CHD6: variants seen among roughly 807,000 people sequenced by gnomAD.
The protein encoded by CHD6 is chromodomain helicase DNA binding protein 6.
In CHD6, 50 loss-of-function variants were observed where a neutral mutation model predicts 276.9. The ratio of observed to expected loss-of-function variants is 0.18; its 90% CI spans 0.14 to 0.23. The LOEUF (loss-of-function observed/expected upper bound fraction) is 0.23, where lower values mean the gene tolerates loss of function less well. CHD6 is among the 10% of genes least tolerant of loss of function. The pLI is 1.00. For missense variants in CHD6, 2,564 were observed against 3,365.8 expected (o/e 0.76, Z 5.89); for synonymous variants, 1,173 against 1,229.3 (o/e 0.95, Z 0.96).
rs144882101 is a variant in CHD6 at position 41,421,050 on chromosome 20, T to C, written c.5585A>G (p.Asn1862Ser). 1.3e-4 allele frequency: 216 copies of C among 1,614,016 alleles called. No homozygotes were observed. The African/African-American group carries it at 2.6e-3, about 20-fold the overall frequency. Residue 1862 changes from asparagine (N) to serine (S), a missense_variant, in exon 31 of 37, where the codon AAC becomes AGC. Asn to Ser is a conservative substitution (Grantham distance 46). This residue lies in a region of CHD6 where 1,024 missense variants were observed against 1,047.9 expected (regional missense o/e 0.98). Coordinates refer to ENST00000373233, the MANE Select transcript of CHD6 (RefSeq NM_032221.5). The stretch of plus-strand genomic sequence containing the variant: ...CTCTTCTTCCTCCTCATCACTGTGG[T>C]TCTGACTCAAAATCAATTTACTTTC... ...SLESKLILSQ[N>S]HSDEEEEEEE...
intron 1 of CHD6, among the ~76,000 whole-genome samples, chr20:41,588,317 C>T (rs2045618259): frequency 6.6e-6 from 1 of 152,180 alleles, no homozygotes; most frequent in African/African-American, 2.4e-5. Context: ...GCTGGCACTG[C>T]TTTAAGTTCA....
At chr20:41,511,027 G>T (rs1568659346) in intron 5 of CHD6, among the ~76,000 whole-genome samples, 1 of 152,178 alleles carries the variant, frequency 6.6e-6, no homozygotes, top group Non-Finnish European at 1.5e-5. Flanking sequence ...CTGCTGCTAT[G>T]TAACTCTGAC....
intron 1 of CHD6, among the ~76,000 whole-genome samples, chr20:41,594,708 C>G (rs1405231982): frequency 6.6e-6 from 1 of 152,214 alleles, no homozygotes; most frequent in African/African-American, 2.4e-5. Context: ...TAGCAAATCT[C>G]TGACTCTGTA....
intron 1 of CHD6, among the ~76,000 whole-genome samples, chr20:41,575,799 GAT>G (rs1162143596): frequency 6.6e-6 from 1 of 152,138 alleles, no homozygotes; most frequent in Admixed American, 6.5e-5. Flanking sequence ...AACATGAGAA[GAT>G]ATACAGGACA....
At chr20:41,447,265 T>TA in intron 24 of CHD6, among the ~76,000 whole-genome samples, 1 of 152,316 alleles carries the variant, frequency 6.6e-6, no homozygotes, top group East Asian at 1.9e-4. Context: ...TGGTATTCTG[T>TA]AGGAATGACA....
At chr20:41,508,379 T>C (rs1311474222) in intron 5 of CHD6, among the ~76,000 whole-genome samples, 1 of 151,966 alleles carries the variant, frequency 6.6e-6, no homozygotes, top group Non-Finnish European at 1.5e-5. Context: ...AGTTAAAAAG[T>C]AACCATCTTG....
chr20:41,500,289 T>C (rs1302098565), intron 5 of CHD6, among the ~76,000 whole-genome samples: 1 of 152,190 alleles, frequency 6.6e-6, no homozygotes, highest in African/African-American at 2.4e-5. Context: ...AGTCTACCCA[T>C]TCTAGGGTGT....
intron 25 of CHD6, among the ~76,000 whole-genome samples, chr20:41,442,958 C>T (rs896538061): frequency 1.3e-5 from 2 of 152,224 alleles, no homozygotes; most frequent in African/African-American, 4.8e-5. Context: ...GCTCAGTCTC[C>T]TAGCACTGAA....
chr20:41,505,648 A>T (rs189256085), intron 5 of CHD6, among the ~76,000 whole-genome samples: 19 of 151,594 alleles, frequency 1.3e-4, no homozygotes, highest in East Asian at 5.8e-4. Context: ...TTATATATAT[A>T]TTTTTTCCAA....
chr20:41,473,651 T>C lies in CHD6; in HGVS notation c.2469-134A>G, dbSNP rs2043107757. 2.9e-6 allele frequency: 2 copies of C among 683,162 alleles called. No homozygotes were observed. Among genetic ancestry groups the C allele is most frequent in the South Asian group, 3.8e-5 (2 of 52,808 alleles). 42.3% of individuals were successfully genotyped at this position (683,162 alleles called of 1,614,324 possible). A position where few individuals can be genotyped will look rare whatever the true frequency, so the allele number is the denominator to read the frequency against. On this transcript the variant is annotated intron_variant, in intron 16 of 36. Transcript: ENST00000373233. The surrounding 1 kb of genome is among the most constrained non-coding windows in gnomAD (Gnocchi z 4.1). ...AAATTTGGACCAAATGACAGCAGTC[T>C]AGAAGGAATCCTGCCCCCTACATAT... is the stretch of plus-strand genomic sequence containing the variant.
intron 25 of CHD6, among the ~76,000 whole-genome samples, chr20:41,440,383 A>G (rs1437873207): frequency 6.6e-6 from 1 of 152,222 alleles, no homozygotes; most frequent in Non-Finnish European, 1.5e-5. Flanking sequence ...ACAATTGTAT[A>G]GATACACAAT....
chr20:41,519,187 G>A (rs1969700), intron 3 of CHD6, among the ~76,000 whole-genome samples: 70,854 of 152,020 alleles, frequency 0.47, 17,844 homozygotes, highest in African/African-American at 0.66. Context: ...GGAGGCTGAG[G>A]TGGGAGAATT....
chr20:41,417,074 T>A, intron 32 of CHD6, 124 bp downstream of exon 32: 1 of 896,052 alleles, frequency 1.1e-6, no homozygotes, highest in Non-Finnish European at 1.7e-6. Context: ...ATAACTAATA[T>A]CTTTTAAAGG....
intron 1 of CHD6, among the ~76,000 whole-genome samples, chr20:41,563,111 A>C (rs868772414): frequency 6.6e-5 from 10 of 152,222 alleles, no homozygotes; most frequent in African/African-American, 2.4e-4. Context: ...GTTACCCTGC[A>C]TGTGGGTAAT....
chr20:41,414,712 T>C, intron 34 of CHD6: 1 of 499,816 alleles, frequency 2.0e-6, no homozygotes, highest in Non-Finnish European at 2.8e-6. Flanking sequence ...TGCCCCACTT[T>C]ACACAGGAGC....
chr20:41,471,560 G>C (rs2043053036), intron 17 of CHD6, among the ~76,000 whole-genome samples: 2 of 150,308 alleles, frequency 1.3e-5, no homozygotes, highest in African/African-American at 4.9e-5. Flanking sequence ...TTTTGAGACC[G>C]AGTCTCGCTC....
In CHD6 at chr20:41,496,572, T is replaced by C. The variant is rs116461286; in HGVS notation, c.1092+812A>G. 5.6e-3 allele frequency among the ~76,000 whole-genome samples: 853 copies of C among 152,340 alleles called. 8 individuals carry two copies. Among genetic ancestry groups the C allele is most frequent in the Middle Eastern group, 0.024 (7 of 294 alleles). On this transcript the variant is annotated intron_variant, in intron 8 of 36. Coordinates refer to ENST00000373233, the MANE Select transcript of CHD6 (RefSeq NM_032221.5). ...TTACTATTTGTATCACAAAAATATT[T>C]ACCCAAGTTACTAACAAATATGTTG...
chr20:41,532,623 T>C (rs2044715223), intron 3 of CHD6, among the ~76,000 whole-genome samples: 1 of 152,120 alleles, frequency 6.6e-6, no homozygotes, highest in Non-Finnish European at 1.5e-5. Context: ...CTTTCTCTCA[T>C]TAGGAGGTAA....
chr20:41,446,106 GCCA>G (rs1474699948), intron 24 of CHD6, among the ~76,000 whole-genome samples: 1 of 152,150 alleles, frequency 6.6e-6, no homozygotes, highest in African/African-American at 2.4e-5. Flanking sequence ...CACAGCAAAG[GCCA>G]TTGATATATT....
Sources: allele counts gnomAD v4.1 joint callset (sites outside exome capture counted in the v4.1 genomes callset), GRCh38; gene constraint gnomAD v4.1.1; regional missense constraint gnomAD v4.1.1; non-coding constraint Gnocchi (gnomAD v3.1); transcripts MANE v1.5; gene names NCBI Gene and HGNC (gene_info 2026-07-23, HGNC 2026-07-21).